The following KATNAL1 variants were observed in gnomAD, a reference collection of about 807,000 sequenced individuals.
The protein encoded by KATNAL1 is katanin p60 ATPase-containing subunit A-like 1.
A neutral mutation model predicts 55.2 loss-of-function variants in KATNAL1; 32 were observed. The observed-to-expected ratio is 0.58, with a 90% CI of 0.44 to 0.78. The LOEUF (loss-of-function observed/expected upper bound fraction) is 0.78. KATNAL1 is among the 30% of genes least tolerant of loss of function. KATNAL1 has a pLI of 0.00. For missense variants in KATNAL1, 466 were observed against 600.9 expected (o/e 0.78, Z 2.35); for synonymous variants, 193 against 193.6 (o/e 1.00, Z 0.02).
At chr13:30,235,668 C>T (rs984995018) in intron 6 of KATNAL1, among the ~76,000 whole-genome samples, 10 of 152,210 alleles carry the variant, frequency 6.6e-5, no homozygotes, top group Non-Finnish European at 1.2e-4. Context: ...GCGAAAGAAG[C>T]GTCACCTTCA....
At chr13:30,227,371 CA>C (rs1875604771) in intron 9 of KATNAL1, 40 bp downstream of exon 9, 2 of 1,578,914 alleles carry the variant, frequency 1.3e-6, no homozygotes, top group African/African-American at 1.4e-5. Flanking sequence ...GGAAAGGTAA[CA>C]AAAAGTAACA....
intron 1 of KATNAL1, among the ~76,000 whole-genome samples, chr13:30,297,218 AAAGAG>A (rs1406179076): frequency 2.0e-5 from 3 of 152,046 alleles, no homozygotes; most frequent in Non-Finnish European, 4.4e-5. Context: ...AAGAGAGGAA[AAAGAG>A]AAGAAGGAGG....
chr13:30,212,718 G>C (rs1873806488), intron 9 of KATNAL1, among the ~76,000 whole-genome samples: 1 of 152,188 alleles, frequency 6.6e-6, no homozygotes, highest in African/African-American at 2.4e-5. Flanking sequence ...CAGTAGCACT[G>C]TTCATAATAG....
intron 1 of KATNAL1, among the ~76,000 whole-genome samples, chr13:30,305,666 T>C (rs1260453033): frequency 1.3e-5 from 2 of 152,252 alleles, no homozygotes; most frequent in Non-Finnish European, 2.9e-5. Context: ...TGCAAAATAC[T>C]CCTCACAGCA....
At chr13:30,232,559 T>C (rs1035297272) in intron 6 of KATNAL1, among the ~76,000 whole-genome samples, 3 of 152,168 alleles carry the variant, frequency 2.0e-5, no homozygotes, top group African/African-American at 7.2e-5. Context: ...AAACGACCAA[T>C]TGATGCTATA....
chr13:30,253,430 C>T (rs1878511542), intron 4 of KATNAL1, among the ~76,000 whole-genome samples: 1 of 151,930 alleles, frequency 6.6e-6, no homozygotes, highest in African/African-American at 2.4e-5. Flanking sequence ...AAATGAAAGA[C>T]AATTTATAAT....
intron 6 of KATNAL1, among the ~76,000 whole-genome samples, chr13:30,231,759 T>A (rs1254102225): frequency 2.0e-5 from 3 of 152,196 alleles, no homozygotes; most frequent in Non-Finnish European, 4.4e-5. Context: ...TTCCTGAACC[T>A]AGCATATGAC....
Position 30,261,760 on chromosome 13 carries a change from T to G in KATNAL1, c.324-6145A>C, listed in dbSNP as rs538862076. Among the ~76,000 whole-genome samples, 6 of 152,122 alleles carry G rather than the reference T, an allele frequency of 3.9e-5. No individual in the cohort carries two copies. The South Asian group carries it at 1.2e-3, about 32-fold the overall frequency. On this transcript the variant is annotated intron_variant, in intron 3 of 10. Coordinates refer to ENST00000380615, the MANE Select transcript of KATNAL1 (RefSeq NM_032116.5). Reference sequence around the variant, plus strand: ...CAAAGAGACTTAAGACTCCCACACATTAATAATGGGAGACTTTAACACCCC... The same window carrying G: ...CAAAGAGACTTAAGACTCCCACACAGTAATAATGGGAGACTTTAACACCCC...
intron 1 of KATNAL1, among the ~76,000 whole-genome samples, chr13:30,294,170 T>C (rs1415665110): frequency 1.3e-5 from 2 of 152,154 alleles, no homozygotes; most frequent in Admixed American, 1.3e-4. Context: ...TAGTTGCATG[T>C]CTCTCACTTG....
chr13:30,224,780 A>T (rs552866501), intron 9 of KATNAL1, among the ~76,000 whole-genome samples: 46 of 152,340 alleles, frequency 3.0e-4, no homozygotes, highest in African/African-American at 1.1e-3. Flanking sequence ...AATATTAGGA[A>T]TGAAAAATGA....
intron 3 of KATNAL1, among the ~76,000 whole-genome samples, chr13:30,272,941 A>G (rs184375616): frequency 1.2e-4 from 19 of 152,224 alleles, no homozygotes; most frequent in South Asian, 1.0e-3. Context: ...GCTCACCTCT[A>G]TATCTGCCCA....
chr13:30,206,791 G>A lies in KATNAL1; in HGVS notation c.*1749C>T, dbSNP rs990451974. 9 of 152,046 alleles carry A rather than the reference G, an allele frequency of 5.9e-5. No homozygotes were observed. Among genetic ancestry groups the A allele is most frequent in the African/African-American group, 1.9e-4 (8 of 41,414 alleles). The allele number at this position is 152,046 out of a possible 1,614,324, so 9.4% of individuals were successfully genotyped here. On this transcript the variant is annotated 3_prime_UTR_variant, in exon 11 of 11. Coordinates refer to ENST00000380615, the MANE Select transcript of KATNAL1 (RefSeq NM_032116.5). ...GTGCATTTCTGACTGGCAATAGTTT[G>A]CAAAATAATCGTAATGAAACTACTT...
In KATNAL1 at chr13:30,208,666, T is replaced by C; in HGVS notation, c.1347A>G (p.Lys449=). ...TGGTAACAGGCATCTGAAGTTCCTC[T>C]TTAGAAAGTGCACGGATTTCTTCTG... ...LSPEEIRALS[K]EELQMPVTKG... The change falls in exon 11 of 11, where the codon AAA becomes AAG. Residue 449 remains lysine, a synonymous_variant. Transcript: ENST00000380615. 6.2e-7 allele frequency: 1 copy of C among 1,614,082 alleles called. No homozygotes were observed. The highest frequency in any genetic ancestry group is 8.5e-7 in the Non-Finnish European group (1 of 1,179,976).
intron 3 of KATNAL1, among the ~76,000 whole-genome samples, chr13:30,270,823 C>A (rs570937183): frequency 6.6e-6 from 1 of 151,018 alleles, no homozygotes; most frequent in Non-Finnish European, 1.5e-5. Flanking sequence ...CCTTTGTTCA[C>A]TTGTTTATCT....
intron 3 of KATNAL1, among the ~76,000 whole-genome samples, chr13:30,265,470 T>C (rs1191532575): frequency 6.6e-6 from 1 of 151,782 alleles, no homozygotes; most frequent in African/African-American, 2.4e-5. Context: ...TTCAGAAATA[T>C]ATTGAGCACC....
At chr13:30,260,862 C>A (rs1490189436) in intron 3 of KATNAL1, among the ~76,000 whole-genome samples, 3 of 148,402 alleles carry the variant, frequency 2.0e-5, no homozygotes, top group Admixed American at 6.7e-5. Flanking sequence ...TCAGGAAATA[C>A]AGAGAACGCC....
chr13:30,274,617 C>T (rs1398499731), intron 3 of KATNAL1, among the ~76,000 whole-genome samples: 1 of 152,072 alleles, frequency 6.6e-6, no homozygotes, highest in Non-Finnish European at 1.5e-5. Context: ...AAAGACCTAC[C>T]ACTTGGAATA....
intron 3 of KATNAL1, among the ~76,000 whole-genome samples, chr13:30,257,530 TGCA>T: frequency 6.6e-6 from 1 of 152,150 alleles, no homozygotes; most frequent in East Asian, 2.0e-4. Flanking sequence ...CAGGGTGCAC[TGCA>T]GCAGGTCTCA....
intron 3 of KATNAL1, among the ~76,000 whole-genome samples, chr13:30,255,969 C>T (rs996242882): frequency 6.6e-6 from 1 of 152,054 alleles, no homozygotes; most frequent in Admixed American, 6.6e-5. Flanking sequence ...CTGTCCTAAA[C>T]CAAGAATAAG....
Sources: gnomAD v4.1 joint callset for allele counts (sites outside exome capture counted in the v4.1 genomes callset) on GRCh38, gnomAD v4.1.1 for gene constraint, MANE v1.5 for transcripts, NCBI Gene and HGNC (gene_info 2026-07-23, HGNC 2026-07-21) for gene names.